The following SCRIB variants were observed in gnomAD, a reference collection of about 807,000 sequenced individuals.
The protein encoded by SCRIB is scribble planar cell polarity protein.
Under a neutral mutation model 170.0 loss-of-function variants are expected in SCRIB, and 72 were observed. The ratio of observed to expected loss-of-function variants is 0.42; its 90% CI spans 0.35 to 0.52. The LOEUF (loss-of-function observed/expected upper bound fraction) is 0.52, where lower values mean the gene tolerates loss of function less well. Among genes scored for constraint, SCRIB ranks in the 20% least tolerant of loss-of-function variants. SCRIB has a pLI of 0.02. For synonymous variants in SCRIB, 1,298 were observed against 1,044.3 expected (o/e 1.24, Z -4.68); for missense variants, 2,475 against 2,338.5 (o/e 1.06, Z -1.20).
rs1554636086 is a variant in SCRIB, at chr8:143,805,009, G to C, written c.2676C>G (p.Ile892Met). 1 of 1,587,192 alleles carries C rather than the reference G, an allele frequency of 6.3e-7. No homozygotes were observed. The highest frequency in any genetic ancestry group is 8.5e-7 in the Non-Finnish European group (1 of 1,170,028). ...CGCCCTCGGCAATGCGGGAGACGAA[G>C]ATGCCCTGCAGGGGAGGGTGGAGGA... Reference protein sequence around the residue: ...STPYRAGDAGIFVSRIAEGGA... With the variant: ...STPYRAGDAGMFVSRIAEGGA... Residue 892 changes from isoleucine to methionine, a missense_variant, in exon 20 of 37, where the codon ATC becomes ATG. By Grantham distance (10) the Ile-to-Met change is conservative. Around this residue, in one of 3 missense-constraint regions of SCRIB, gnomAD observed 1,966 missense variants for 1,742.9 expected, o/e 1.13. Transcript: ENST00000356994.
chr8:143,810,849 T>A, intron 11 of SCRIB, 33 bp from the exon 12 acceptor site: 1 of 1,605,696 alleles, frequency 6.2e-7, no homozygotes, highest in Non-Finnish European at 8.5e-7. Flanking sequence ...CCCAGGCTAG[T>A]CCCCAAACCC....
intron 24 of SCRIB, among the ~76,000 whole-genome samples, chr8:143,801,633 A>G (rs1276438887): frequency 2.0e-5 from 3 of 152,254 alleles, no homozygotes; most frequent in Non-Finnish European, 2.9e-5. Context: ...GACGGAAGCC[A>G]GGGTGACAAC....
chr8:143,805,149 C>T lies in SCRIB; in HGVS notation c.2633G>A (p.Gly878Asp). The change falls in exon 19 of 37, where the codon GGT becomes GAT. Residue 878 changes from glycine (G) to aspartate (D), a missense_variant. Physicochemically the swap from Gly to Asp is moderately conservative, Grantham distance 94. Transcript: ENST00000356994. ...SERGLGFSIA[G>D]GKGSTPYRAG... ...CCTGTAGGGTGTGGAGCCTTTCCCACCAGCAATGCTGAAGCCCAGCCCCCT... is the reference window on the plus strand; with the variant it reads ...CCTGTAGGGTGTGGAGCCTTTCCCATCAGCAATGCTGAAGCCCAGCCCCCT... The T allele has an allele frequency of 6.3e-7, 1 of 1,579,670 alleles. No individual in the cohort carries two copies. The highest frequency in any genetic ancestry group is 8.6e-7 in the Non-Finnish European group (1 of 1,161,576).
chr8:143,812,720 T>TCCC (rs944014085), intron 8 of SCRIB, 97 bp downstream of exon 8: 267 of 1,456,950 alleles, frequency 1.8e-4, no homozygotes, highest in Non-Finnish European at 2.4e-4. Flanking sequence ...CTCAGGATCC[T>TCCC]CCCCTGTGTT....
rs1816051382 is a variant in SCRIB, at chr8:143,815,509, A to ACGCGGC, written c.-143_-138dup. The ACGCGGC allele has an allele frequency of 8.1e-6, 8 of 984,744 alleles. No homozygotes were observed. Among genetic ancestry groups the ACGCGGC allele is most frequent in the Non-Finnish European group, 9.6e-6 (8 of 831,002 alleles). The allele number at this position is 984,744 out of a possible 1,614,324, so 61.0% of individuals were successfully genotyped here. On this transcript the variant is annotated 5_prime_UTR_variant, in exon 1 of 37. Transcript: ENST00000356994. ...GCGGGCCGCCCGAGACTGGACGGGG[A>ACGCGGC]CGCGGCCGCGGCCGGCGCTGGGCCC...
rs782099608 is a variant in SCRIB at position 143,805,173 on chromosome 8, C to A, written c.2609G>T (p.Arg870Met). ...RHVACLARSE[R>M]GLGFSIAGGK... is the part of the protein sequence containing the mutation. The stretch of plus-strand genomic sequence containing the variant: ...ACCAGCAATGCTGAAGCCCAGCCCC[C>A]TCTCGCTGCGTGCCAGGCAGGCCAC... Residue 870 changes from arginine to methionine, a missense_variant, in exon 19 of 37, where the codon AGG (arginine) becomes ATG (methionine). Physicochemically the swap from Arg to Met is moderately conservative, Grantham distance 91 (BLOSUM62 -1). Coordinates refer to ENST00000356994, the MANE Select transcript of SCRIB (RefSeq NM_182706.5). The A allele has an allele frequency of 1.3e-5, 21 of 1,574,716 alleles. No homozygotes were observed. Among genetic ancestry groups the A allele is most frequent in the East Asian group, 6.8e-5 (3 of 44,330 alleles).
At chr8:143,795,136 C>T (rs1554633828) in intron 26 of SCRIB, 24 bp from the exon 27 acceptor site, 1 of 1,608,568 alleles carries the variant, frequency 6.2e-7, no homozygotes, top group Non-Finnish European at 8.5e-7. Flanking sequence ...GAACACAGCA[C>T]TAGCAGGGGT....
chr8:143,808,773 C>T lies in SCRIB; in HGVS notation c.1951G>A (p.Ala651Thr), dbSNP rs574375503. 59 of 1,610,002 alleles carry T rather than the reference C, an allele frequency of 3.7e-5. No homozygotes were observed. In the East Asian group the frequency reaches 5.6e-4, roughly 15 times the overall value. Residue 651 changes from alanine to threonine, a missense_variant, in exon 15 of 37, where the codon GCA (alanine) becomes ACA (threonine). Physicochemically the swap from Ala to Thr is moderately conservative, Grantham distance 58. Around this residue, in one of 3 missense-constraint regions of SCRIB, gnomAD observed 1,966 missense variants for 1,742.9 expected, o/e 1.13. Coordinates refer to ENST00000356994, the MANE Select transcript of SCRIB (RefSeq NM_182706.5). ...APGGWHNGPHAPWAPRAQKEE... is the reference protein window; with the variant it reads ...APGGWHNGPHTPWAPRAQKEE... ...TTCTGGGCCCGAGGAGCCCAGGGTGCGTGGGGGCCATTGTGCCAGCCCCCG... is the reference window on the plus strand; with the variant it reads ...TTCTGGGCCCGAGGAGCCCAGGGTGTGTGGGGGCCATTGTGCCAGCCCCCG...
Position 143,804,982 on chromosome 8 carries a change from A to G in SCRIB, c.2703T>C (p.Gly901=). The change falls in exon 20 of 37, where the codon GGT becomes GGC. Residue 901 remains glycine (G), a synonymous_variant. Coordinates refer to ENST00000356994, the MANE Select transcript of SCRIB (RefSeq NM_182706.5). ...GIFVSRIAEG[G]AAHRAGTLQV... ...GCAGTGTGCCCGCGCGGTGAGCAGC[A>G]CCGCCCTCGGCAATGCGGGAGACGA... 2 of 1,585,678 alleles carry G rather than the reference A, an allele frequency of 1.3e-6. No homozygotes were observed. The highest frequency in any genetic ancestry group is 2.3e-5 in the South Asian group (2 of 87,588).
chr8:143,792,702 C>T lies in SCRIB; in HGVS notation c.4177+6G>A, dbSNP rs782664675. On this transcript the variant is annotated splice_donor_region_variant and intron_variant, in intron 30 of 36. Transcript: ENST00000356994. ...CCAACCCCCACCCCACTTCCGTGCC[C>T]CTCACCTTCCTCCTCCTGCATCTTC... The T allele has an allele frequency of 4.4e-6, 7 of 1,587,004 alleles. No individual in the cohort carries two copies. In the South Asian group the frequency reaches 5.6e-5, roughly 13 times the overall value.
rs782451382 is a variant in SCRIB at position 143,806,944 on chromosome 8, G to A, written c.2248C>T (p.Pro750Ser). ...CTCACCTCGTCGTCCCCCTTATAGG[G>A]TGTGGAGCCCTTGCCGCCCGCAATG... ...ISIAGGKGST[P>S]YKGDDEGIFI... Residue 750 changes from proline (P) to serine (S), a missense_variant, in exon 17 of 37, where the codon CCC (proline) becomes TCC (serine). Transcript: ENST00000356994. 21 of 1,612,694 alleles carry A rather than the reference G, an allele frequency of 1.3e-5. No individual in the cohort carries two copies. The highest frequency in any genetic ancestry group is 2.2e-5 in the East Asian group (1 of 44,854).
In SCRIB at chr8:143,811,259, G is replaced by A. The variant is rs763058855; in HGVS notation, c.993C>T (p.Ile331=). 1.2e-5 allele frequency: 19 copies of A among 1,611,826 alleles called. No homozygotes were observed. The highest frequency in any genetic ancestry group is 1.0e-4 in the Admixed American group (6 of 59,868). ...RNHLEALPPE[I]GGCVALSVLS... Reference sequence around the variant, plus strand: ...GGACGCTGAGTGCCACACAGCCCCCGATCTCGGGCGGCAGCGCCTCGAGGT... The same window carrying A: ...GGACGCTGAGTGCCACACAGCCCCCAATCTCGGGCGGCAGCGCCTCGAGGT... Residue 331 remains isoleucine (I), a synonymous_variant, in exon 10 of 37, where the codon ATC becomes ATT. Coordinates refer to ENST00000356994, the MANE Select transcript of SCRIB (RefSeq NM_182706.5).
chr8:143,810,356 C>T (rs932006997), intron 13 of SCRIB, 123 bp downstream of exon 13: 4 of 1,398,906 alleles, frequency 2.9e-6, no homozygotes, highest in Non-Finnish European at 3.9e-6. Context: ...AACCTGTCAC[C>T]AGCCTCATCT....
intron 18 of SCRIB, 90 bp downstream of exon 18, chr8:143,806,317 G>A (rs1379239134): frequency 2.5e-5 from 26 of 1,030,594 alleles, no homozygotes; most frequent in African/African-American, 4.8e-5. Flanking sequence ...TGGGGAGGCC[G>A]GGAGAAGGCA....
chr8:143,795,046 C>T lies in SCRIB; in HGVS notation c.3838G>A (p.Val1280Met), dbSNP rs144293240. The change falls in exon 27 of 37, where the codon GTG (valine) becomes ATG (methionine). Residue 1280 changes from valine to methionine, a missense_variant. This residue lies in a region of SCRIB where 1,966 missense variants were observed against 1,742.9 expected (regional missense o/e 1.13). Transcript: ENST00000356994. ...GCACACTGGGCACTCACCCTCTGCA[C>T]GCTGCCAGCGCTGGGCACGGCGGCC... Reference protein sequence around the residue: ...ALAAVPSAGSVQRVPSGAAGG... With the variant: ...ALAAVPSAGSMQRVPSGAAGG... 4.0e-5 allele frequency: 65 copies of T among 1,610,562 alleles called. No homozygotes were observed. In the African/African-American group the frequency reaches 4.1e-4, roughly 10 times the overall value.
Position 143,808,742 on chromosome 8 carries a change from T to C in SCRIB, c.1982A>G (p.Glu661Gly). The change falls in exon 15 of 37, where the codon GAG (glutamate) becomes GGG (glycine). Residue 661 changes from glutamate to glycine, a missense_variant. Glu to Gly is a moderately conservative substitution (Grantham distance 98). Coordinates refer to ENST00000356994, the MANE Select transcript of SCRIB (RefSeq NM_182706.5). ...APWAPRAQKE[E>G]EEEEEGSPQE... ...AGGACTACCCTCTTCCTCCTCCTCC[T>C]CCTCCTTCTGGGCCCGAGGAGCCCA... 1.9e-6 allele frequency: 3 copies of C among 1,603,962 alleles called. No individual in the cohort carries two copies. Among genetic ancestry groups the C allele is most frequent in the Non-Finnish European group, 2.6e-6 (3 of 1,175,016 alleles).
rs782608500 is a variant in SCRIB, at chr8:143,803,933, G to A, written c.3128C>T (p.Pro1043Leu). 140 of 1,580,580 alleles carry A rather than the reference G, an allele frequency of 8.9e-5. No homozygotes were observed. The highest frequency in any genetic ancestry group is 1.1e-4 in the Non-Finnish European group (131 of 1,161,936). ...GCCGCTGCGAGCGGCCAGGCCCCGC[G>A]GGAGCACCTGTCAGGGAGGAGGGTG... ...EPGVFISKVL[P>L]RGLAARSGLR... The change falls in exon 23 of 37, where the codon CCG becomes CTG. Residue 1043 changes from proline (P) to leucine (L), a missense_variant. Pro to Leu is a moderately conservative substitution (Grantham distance 98). Around this residue, in one of 3 missense-constraint regions of SCRIB, gnomAD observed 1,966 missense variants for 1,742.9 expected, o/e 1.13. Coordinates refer to ENST00000356994, the MANE Select transcript of SCRIB (RefSeq NM_182706.5).
chr8:143,795,394 G>A, intron 25 of SCRIB, 26 bp downstream of exon 25: 1 of 1,612,524 alleles, frequency 6.2e-7, no homozygotes, highest in African/African-American at 1.3e-5. Context: ...CTGGCCCTGG[G>A]GCTGCCGGCT....
intron 34 of SCRIB, 35 bp downstream of exon 34, chr8:143,791,841 G>A (rs1820107512): frequency 6.5e-7 from 1 of 1,543,190 alleles, no homozygotes; most frequent in Non-Finnish European, 8.8e-7. Context: ...CCATGCCTCG[G>A]GGGTGAAGGG....
Sources: allele counts gnomAD v4.1 joint callset (sites outside exome capture counted in the v4.1 genomes callset), GRCh38; gene constraint gnomAD v4.1.1; regional missense constraint gnomAD v4.1.1; transcripts MANE v1.5; gene names NCBI Gene and HGNC (gene_info 2026-07-23, HGNC 2026-07-21).